Variants in EPAS1 observed in about 807,000 individuals in gnomAD.
EPAS1 encodes the protein endothelial PAS domain protein 1, also known as endothelial PAS domain-containing protein 1.
In EPAS1, 23 loss-of-function variants were observed where a neutral mutation model predicts 87.9. That is an observed-to-expected ratio of 0.26 (90% CI 0.19 to 0.37). EPAS1 has a LOEUF of 0.37. EPAS1 is among the 10% of genes least tolerant of loss of function. The pLI is 1.00. For synonymous variants in EPAS1, 508 were observed against 444.3 expected (o/e 1.14, Z -1.80); for missense variants, 1,138 against 1,120.7 (o/e 1.02, Z -0.22).
chr2:46,353,458 C>G (rs890132133), intron 2 of EPAS1, among the ~76,000 whole-genome samples: 1 of 152,222 alleles, frequency 6.6e-6, no homozygotes, highest in African/African-American at 2.4e-5. Context: ...TTTAATTTTT[C>G]CAATGAGAGG....
chr2:46,305,252 C>A (rs1218088977), intron 1 of EPAS1, among the ~76,000 whole-genome samples: 2 of 152,176 alleles, frequency 1.3e-5, no homozygotes, highest in Admixed American at 1.3e-4. Flanking sequence ...TTGTGAGATA[C>A]CTGGAGCTGA....
chr2:46,381,716 G>A lies in EPAS1; in HGVS notation c.2166G>A (p.Leu722=), dbSNP rs147304489. 1,334 of 1,613,846 alleles carry A rather than the reference G, an allele frequency of 8.3e-4. 9 individuals carry two copies. The African/African-American group carries it at 0.011, about 14-fold the overall frequency. ...ATGAAGAGCAAGCCTTCCAGGACCT[G>A]AGCGGGGTGAGTCATCCCCACTGGC... ...LEYEEQAFQD[L]SGGDPPGGST... The change falls in exon 13 of 16, where the codon CTG becomes CTA. Residue 722 remains leucine (L), a synonymous_variant. Transcript: ENST00000263734.
chr2:46,323,310 T>C (rs536374763), intron 1 of EPAS1, among the ~76,000 whole-genome samples: 1 of 152,166 alleles, frequency 6.6e-6, no homozygotes, highest in East Asian at 1.9e-4. Flanking sequence ...GGATATAAAA[T>C]AGTGATCAAT....
At chr2:46,328,298 G>T (rs1444374391) in intron 1 of EPAS1, among the ~76,000 whole-genome samples, 1 of 152,218 alleles carries the variant, frequency 6.6e-6, no homozygotes, top group Non-Finnish European at 1.5e-5. Flanking sequence ...TGGCAGGTAA[G>T]ACAGGTGGAG....
At chr2:46,362,348 C>G (rs13412887) in intron 6 of EPAS1, among the ~76,000 whole-genome samples, 22,467 of 152,192 alleles carry the variant, frequency 0.15, 2,083 homozygotes, top group Admixed American at 0.22. Flanking sequence ...AGTCCAGACA[C>G]CACAACACAT....
At chr2:46,320,107 A>G (rs1683424207) in intron 1 of EPAS1, among the ~76,000 whole-genome samples, 1 of 152,192 alleles carries the variant, frequency 6.6e-6, no homozygotes, top group Non-Finnish European at 1.5e-5. Context: ...TCCTTTTTCT[A>G]GAATTACTGG....
intron 1 of EPAS1, among the ~76,000 whole-genome samples, chr2:46,306,269 T>A (rs951723483): frequency 1.3e-5 from 2 of 152,188 alleles, no homozygotes; most frequent in African/African-American, 4.8e-5. Context: ...GTCACTACTT[T>A]GTATAAGTTT....
At chr2:46,351,376 G>A (rs1684141581) in intron 2 of EPAS1, among the ~76,000 whole-genome samples, 1 of 152,196 alleles carries the variant, frequency 6.6e-6, no homozygotes, top group Non-Finnish European at 1.5e-5. Context: ...CTCTCCTAGT[G>A]GACTTTCAGG....
At position 46,369,953 on chromosome 2, in the gene EPAS1, C is replaced by T. The variant is rs1332454366; in HGVS notation, c.886+20C>T. ...AGAACTGTGAGTTCCAGGAGTGCCCCTTGTGGCTTCCTTGTGTCTGTGGTA... is the reference window on the plus strand; with the variant it reads ...AGAACTGTGAGTTCCAGGAGTGCCCTTTGTGGCTTCCTTGTGTCTGTGGTA... On this transcript the variant is annotated intron_variant, in intron 7 of 15. Transcript: ENST00000263734. 2 of 1,575,928 alleles carry T rather than the reference C, an allele frequency of 1.3e-6. No homozygotes were observed. Among genetic ancestry groups the T allele is most frequent in the Non-Finnish European group, 1.7e-6 (2 of 1,150,420 alleles).
At chr2:46,323,062 C>A (rs770896377) in intron 1 of EPAS1, among the ~76,000 whole-genome samples, 1 of 152,166 alleles carries the variant, frequency 6.6e-6, no homozygotes, top group Non-Finnish European at 1.5e-5. Context: ...GAGGGAAGAG[C>A]GTGGTAGATT....
intron 1 of EPAS1, among the ~76,000 whole-genome samples, chr2:46,301,404 G>A (rs1016669565): frequency 3.9e-5 from 6 of 151,948 alleles, no homozygotes; most frequent in Admixed American, 1.3e-4. Context: ...GTGAAACCCC[G>A]TCTCTATTAA....
chr2:46,331,980 C>T (rs1309053070), intron 1 of EPAS1, among the ~76,000 whole-genome samples: 2 of 152,188 alleles, frequency 1.3e-5, no homozygotes, highest in African/African-American at 4.8e-5. Context: ...CTCCTGCACT[C>T]ACCTGCCTGC....
chr2:46,357,204 C>T (rs1381325133), intron 4 of EPAS1, among the ~76,000 whole-genome samples: 1 of 152,214 alleles, frequency 6.6e-6, no homozygotes, highest in Non-Finnish European at 1.5e-5. Context: ...CCACCTATAA[C>T]ATAGGGCTTT....
intron 14 of EPAS1, 50 bp from the exon 15 acceptor site, chr2:46,382,375 C>A: frequency 6.2e-7 from 1 of 1,604,696 alleles, no homozygotes; most frequent in Non-Finnish European, 8.5e-7. Flanking sequence ...CCTGGCCTCT[C>A]CCCTCCCTCA....
intron 1 of EPAS1, among the ~76,000 whole-genome samples, chr2:46,298,474 C>T (rs1246405163): frequency 1.4e-4 from 21 of 152,218 alleles, no homozygotes; most frequent in Non-Finnish European, 2.9e-5. Context: ...AGCCAGGACC[C>T]TTCAGAGCGC....
intron 1 of EPAS1, among the ~76,000 whole-genome samples, chr2:46,320,820 C>G (rs9973625): frequency 0.028 from 4,249 of 152,210 alleles, 207 homozygotes; most frequent in African/African-American, 0.097. Context: ...ATTGTGTTGT[C>G]GTTTTCCTTT....
intron 2 of EPAS1, among the ~76,000 whole-genome samples, chr2:46,349,693 G>T (rs1173446034): frequency 6.6e-6 from 1 of 152,270 alleles, no homozygotes; most frequent in African/African-American, 2.4e-5. Context: ...CCAGGGAGGA[G>T]GAGATGGTTT....
chr2:46,298,744 G>A (rs1239783538), intron 1 of EPAS1, among the ~76,000 whole-genome samples: 3 of 152,160 alleles, frequency 2.0e-5, no homozygotes. Context: ...GGCAACTCTG[G>A]CCATTTCTTG....
chr2:46,360,617 T>C lies in EPAS1; in HGVS notation c.455-21T>C. The stretch of plus-strand genomic sequence containing the variant: ...ATATAAAACTGACTTCAGCTGGTTC[T>C]TCCCATCCTTCCACATCCAGGCTCT... On this transcript the variant is annotated intron_variant, in intron 4 of 15. Coordinates refer to ENST00000263734, the MANE Select transcript of EPAS1 (RefSeq NM_001430.5). This position sits in a 1 kb window ranked among gnomAD's most constrained non-coding sequence, Gnocchi z 4.5. The C allele has an allele frequency of 6.2e-7, 1 of 1,608,206 alleles. No homozygotes were observed.
Sources: allele counts gnomAD v4.1 joint callset (sites outside exome capture counted in the v4.1 genomes callset), GRCh38; gene constraint gnomAD v4.1.1; non-coding constraint Gnocchi (gnomAD v3.1); transcripts MANE v1.5; gene names NCBI Gene and HGNC (gene_info 2026-07-23, HGNC 2026-07-21).